FGF14: variants seen among roughly 807,000 people sequenced by gnomAD.
The protein encoded by FGF14 is fibroblast growth factor homologous factor 4.
In FGF14, 5 loss-of-function variants were observed where a neutral mutation model predicts 25.5. The observed-to-expected ratio is 0.20, with a 90% CI of 0.10 to 0.41. The LOEUF is 0.41. FGF14 is among the 10% of genes least tolerant of loss of function. The pLI, the probability that FGF14 is intolerant of heterozygous loss-of-function variation, is 1.00. For missense variants in FGF14, 222 were observed against 320.1 expected, an observed-to-expected ratio of 0.69 and a Z score of 2.34; for synonymous variants, 138 against 118.3, an observed-to-expected ratio of 1.17 and a Z score of -1.08.
intron 1 of FGF14, among the ~76,000 whole-genome samples, chr13:102,221,782 TATTA>T (rs1367647070): frequency 6.6e-6 from 1 of 152,214 alleles, no homozygotes; most frequent in African/African-American, 2.4e-5. Context: ...ATTTTTAAAT[TATTA>T]ATTATTTTAT....
intron 1 of FGF14, among the ~76,000 whole-genome samples, chr13:102,068,001 G>T (rs2140135417): frequency 6.6e-6 from 1 of 152,252 alleles, no homozygotes; most frequent in East Asian, 1.9e-4. Flanking sequence ...CAGGAGAGTG[G>T]CATGACGTTT....
intron 3 of FGF14, among the ~76,000 whole-genome samples, chr13:101,865,557 C>T (rs976037512): frequency 1.3e-5 from 2 of 151,972 alleles, no homozygotes; most frequent in South Asian, 4.2e-4. Context: ...GAAAAGATCC[C>T]CCAGAGAACA....
At chr13:102,399,697 G>A (rs1251570300) in intron 1 of FGF14, among the ~76,000 whole-genome samples, 1 of 152,188 alleles carries the variant, frequency 6.6e-6, no homozygotes, top group African/African-American at 2.4e-5. Context: ...CAATTCTCAG[G>A]TTGGTGTGTC....
At chr13:102,222,806 C>T (rs1310587219) in intron 1 of FGF14, among the ~76,000 whole-genome samples, 1 of 152,104 alleles carries the variant, frequency 6.6e-6, no homozygotes, top group Non-Finnish European at 1.5e-5. Flanking sequence ...CAATGTCCTT[C>T]TCGAAATACA....
At chr13:102,209,484 AG>A (rs776407820) in intron 1 of FGF14, among the ~76,000 whole-genome samples, 1 of 152,206 alleles carries the variant, frequency 6.6e-6, no homozygotes, top group Non-Finnish European at 1.5e-5. Flanking sequence ...TTCCAGTTGA[AG>A]CCAGGCATTT....
intron 1 of FGF14, among the ~76,000 whole-genome samples, chr13:102,332,708 A>G (rs2056670577): frequency 6.6e-6 from 1 of 152,092 alleles, no homozygotes; most frequent in Non-Finnish European, 1.5e-5. Flanking sequence ...AAATGTTACC[A>G]TCCTTCTTGA....
rs570542810 is a variant in FGF14 at position 102,108,886 on chromosome 13, T to A, written c.209-233590A>T. 2.6e-5 allele frequency among the ~76,000 whole-genome samples: 4 copies of A among 152,342 alleles called. No homozygotes were observed. In the South Asian group the frequency reaches 6.2e-4, roughly 24 times the overall value. On this transcript the variant is annotated intron_variant, in intron 1 of 4. Coordinates refer to the FGF14 transcript ENST00000376131. ...TAAGATGTTTCAACTTAACACATAT[T>A]GTCCTTATGTTACTTCATCTTTTAT... is the stretch of plus-strand genomic sequence containing the variant.
intron 3 of FGF14, among the ~76,000 whole-genome samples, chr13:101,740,114 T>C (rs1055417641): frequency 6.6e-6 from 1 of 152,226 alleles, no homozygotes; most frequent in Non-Finnish European, 1.5e-5. Flanking sequence ...TCTTTAGTGT[T>C]GTGAGCCCTT....
chr13:102,098,555 T>A (rs999967897), intron 1 of FGF14, among the ~76,000 whole-genome samples: 3 of 152,232 alleles, frequency 2.0e-5, no homozygotes, highest in Admixed American at 6.5e-5. Context: ...AAGTTGTGCA[T>A]GATAATTGCC....
At chr13:102,209,770 A>G (rs2050085469) in intron 1 of FGF14, among the ~76,000 whole-genome samples, 1 of 152,332 alleles carries the variant, frequency 6.6e-6, no homozygotes, top group Admixed American at 6.5e-5. Context: ...AACTTTTAAC[A>G]TCTACAATAG....
intron 1 of FGF14, among the ~76,000 whole-genome samples, chr13:102,153,582 TTTTG>T (rs545671510): frequency 6.4e-4 from 97 of 152,312 alleles, no homozygotes; most frequent in African/African-American, 2.2e-3. Flanking sequence ...ATTTTGAGAA[TTTTG>T]TTTATTTTAT....
chr13:101,862,316 T>C (rs750389474), intron 3 of FGF14, among the ~76,000 whole-genome samples: 9 of 152,110 alleles, frequency 5.9e-5, no homozygotes, highest in Non-Finnish European at 1.0e-4. Flanking sequence ...ATCTGACTAC[T>C]GCTGTTCTAT....
At chr13:102,161,855 G>A (rs1478140326) in intron 1 of FGF14, among the ~76,000 whole-genome samples, 1 of 150,734 alleles carries the variant, frequency 6.6e-6, no homozygotes, top group African/African-American at 2.4e-5. Context: ...CCTGGAGAAT[G>A]AGTGAATGAC....
intron 1 of FGF14, among the ~76,000 whole-genome samples, chr13:101,965,677 T>TC (rs959482299): frequency 6.7e-6 from 1 of 149,398 alleles, no homozygotes; most frequent in Non-Finnish European, 1.5e-5. Context: ...TTGTGTTAGT[T>TC]TTTTTTTTTT....
rs75818391 is a variant in FGF14 at position 102,340,253 on chromosome 13, G to A, written c.208+61218C>T. Among the ~76,000 whole-genome samples, 1,360 of 152,232 alleles carry A rather than the reference G, an allele frequency of 8.9e-3. 25 individuals are homozygous for A. Among genetic ancestry groups the A allele is most frequent in the African/African-American group, 0.03 (1,265 of 41,542 alleles). ...TCCCCACATCTTTTGCCATTTTGGC[G>A]AATCCCTTAGAGGGGAGCCATGTAG... is the stretch of plus-strand genomic sequence containing the variant. On this transcript the variant is annotated intron_variant, in intron 1 of 4. Transcript: ENST00000376131.
intron 1 of FGF14, among the ~76,000 whole-genome samples, chr13:102,121,044 A>G (rs2045702714): frequency 6.6e-6 from 1 of 152,190 alleles, no homozygotes; most frequent in Non-Finnish European, 1.5e-5. Context: ...ACTTCCGAGC[A>G]TACACACTTT....
intron 1 of FGF14, among the ~76,000 whole-genome samples, chr13:102,389,183 A>G (rs1332420556): frequency 1.3e-5 from 2 of 152,010 alleles, no homozygotes; most frequent in South Asian, 4.1e-4. Flanking sequence ...TATTCTCCAT[A>G]CATTTAGTTT....
At chr13:102,321,562 T>A (rs1359583327) in intron 1 of FGF14, among the ~76,000 whole-genome samples, 2 of 152,196 alleles carry the variant, frequency 1.3e-5, no homozygotes, top group Non-Finnish European at 2.9e-5. Flanking sequence ...TTTTCCATAC[T>A]CTATTGTTTA....
At chr13:102,337,677 A>C (rs903723720) in intron 1 of FGF14, among the ~76,000 whole-genome samples, 19 of 152,144 alleles carry the variant, frequency 1.2e-4, no homozygotes, top group African/African-American at 4.3e-4. Flanking sequence ...GAGTCCATTG[A>C]TGAAGCAAAC....
Sources: allele counts gnomAD v4.1 joint callset (sites outside exome capture counted in the v4.1 genomes callset), GRCh38; gene constraint gnomAD v4.1.1; transcripts MANE v1.5; gene names NCBI Gene and HGNC (gene_info 2026-07-23, HGNC 2026-07-21).